LRIT1: variants seen among roughly 807,000 people sequenced by gnomAD.
LRIT1 encodes leucine rich repeat, Ig-like and transmembrane domains 1.
LRIT1 carries 23 observed loss-of-function variants against 24.0 expected under a neutral mutation model. That is an observed-to-expected ratio of 0.96 (90% confidence interval 0.69 to 1.36). The LOEUF (loss-of-function observed/expected upper bound fraction) is 1.36. Ranked by LOEUF, LRIT1 falls within the 40% of genes most tolerant of loss-of-function variation. LRIT1 has a pLI of 0.00. For missense variants in LRIT1, 846 were observed against 806.3 expected (o/e 1.05, Z -0.60); for synonymous variants, 361 against 340.5 (o/e 1.06, Z -0.66).
intron 1 of LRIT1, 72 bp from the exon 2 acceptor site, chr10:84,237,758 TC>T: frequency 1.7e-6 from 2 of 1,182,178 alleles, no homozygotes; most frequent in Non-Finnish European, 2.4e-6. Flanking sequence ...CTACCTCCCT[TC>T]GCGAGGCCTC....
Position 84,232,622 on chromosome 10 carries a change from C to G in LRIT1, c.1177G>C (p.Ala393Pro). 1 of 1,613,784 alleles carries G rather than the reference C, an allele frequency of 6.2e-7. No individual in the cohort carries two copies. The highest frequency in any genetic ancestry group is 8.5e-7 in the Non-Finnish European group (1 of 1,179,734). ...VPQIPKPAVL[A>P]TGPSVPSTKE... is the part of the protein sequence containing the mutation. ...GTGCTGGGCACAGAGGGTCCAGTGGCCAGGACAGCGGGTTTGGGAATCTGG... is the reference window on the plus strand; with the variant it reads ...GTGCTGGGCACAGAGGGTCCAGTGGGCAGGACAGCGGGTTTGGGAATCTGG... The change falls in exon 4 of 4, where the codon GCC becomes CCC. Residue 393 changes from alanine to proline, a missense_variant. By Grantham distance (27) the Ala-to-Pro change is conservative. Coordinates refer to ENST00000372105, the MANE Select transcript of LRIT1 (RefSeq NM_015613.3).
intron 1 of LRIT1, among the ~76,000 whole-genome samples, chr10:84,237,919 G>T (rs1189826377): frequency 1.3e-5 from 2 of 152,160 alleles, no homozygotes; most frequent in East Asian, 3.9e-4. Context: ...AGGTGATTTG[G>T]TCTTCACGGT....
intron 3 of LRIT1, 51 bp downstream of exon 3, chr10:84,234,022 T>C: frequency 7.3e-7 from 1 of 1,373,288 alleles, no homozygotes; most frequent in Middle Eastern, 2.8e-4. Flanking sequence ...GGGAGCTGCT[T>C]TGCCCTCCCC....
At chr10:84,241,282 G>A (rs1394326484) in intron 1 of LRIT1, 36 bp downstream of exon 1, 1 of 1,613,502 alleles carries the variant, frequency 6.2e-7, no homozygotes, top group Middle Eastern at 1.7e-4. Context: ...AAGCAATGGA[G>A]GCTGGGCTGC....
At chr10:84,236,086 G>C (rs12762286) in intron 2 of LRIT1, among the ~76,000 whole-genome samples, 71,708 of 150,428 alleles carry the variant, frequency 0.48, 18,790 homozygotes, top group African/African-American at 0.71. Flanking sequence ...CACGAGGTCA[G>C]GAGATCGAGA....
Position 84,234,383 on chromosome 10 carries a change from A to G in LRIT1, c.590-5T>C. The G allele has an allele frequency of 6.6e-7, 1 of 1,522,756 alleles. No homozygotes were observed. The highest frequency in any genetic ancestry group is 8.8e-7 in the Non-Finnish European group (1 of 1,134,718). The allele number at this position is 1,522,756 out of a possible 1,614,324, so 94.3% of individuals were successfully genotyped here. A position where few individuals can be genotyped will look rare whatever the true frequency, so the allele number is the denominator to read the frequency against. Reference sequence around the variant, plus strand: ...CCCAGGGGTTGTCCTGTAGCCCTGCAGGAGTAAAAAAGAAGACAAGATATT... The same window carrying G: ...CCCAGGGGTTGTCCTGTAGCCCTGCGGGAGTAAAAAAGAAGACAAGATATT... On this transcript the variant is annotated splice_region_variant and splice_polypyrimidine_tract_variant and intron_variant, in intron 2 of 3. Transcript: ENST00000372105.
Position 84,232,916 on chromosome 10 carries a change from CA to C in LRIT1, c.896-14del. 1 of 1,604,318 alleles carries C rather than the reference CA, an allele frequency of 6.2e-7. No homozygotes were observed. Among genetic ancestry groups the C allele is most frequent in the Non-Finnish European group, 8.5e-7 (1 of 1,178,102 alleles). On this transcript the variant is annotated splice_polypyrimidine_tract_variant and intron_variant, in intron 3 of 3. Coordinates refer to ENST00000372105, the MANE Select transcript of LRIT1 (RefSeq NM_015613.3). ...ACTTCCTGGTGCACTAGGAGGAAAA[CA>C]GGCATGTGTGGGAGAACGAATGGGC...
At chr10:84,235,360 T>G (rs1172504296) in intron 2 of LRIT1, among the ~76,000 whole-genome samples, 1 of 152,130 alleles carries the variant, frequency 6.6e-6, no homozygotes, top group Non-Finnish European at 1.5e-5. Context: ...CTTGTGTCAT[T>G]GGTTAAACGC....
chr10:84,235,042 A>G (rs1422684871), intron 2 of LRIT1, among the ~76,000 whole-genome samples: 1 of 152,250 alleles, frequency 6.6e-6, no homozygotes, highest in Non-Finnish European at 1.5e-5. Context: ...AATGAGGGGT[A>G]CTATGTGTCC....
chr10:84,240,636 A>G (rs1304911111), intron 1 of LRIT1, among the ~76,000 whole-genome samples: 1 of 152,156 alleles, frequency 6.6e-6, no homozygotes, highest in African/African-American at 2.4e-5. Context: ...CCATGAAAGG[A>G]GAGGAGGAGA....
Position 84,232,540 on chromosome 10 carries a change from T to TC in LRIT1, c.1258dup (p.Asp420GlyfsTer35), listed in dbSNP as rs1842610622. 6.2e-7 allele frequency: 1 copy of TC among 1,613,984 alleles called. No homozygotes were observed. The highest frequency in any genetic ancestry group is 8.5e-7 in the Non-Finnish European group (1 of 1,180,010). ...TGCCTCTGAGGGTCCTGCCCGCCCATCAGAGAGCTCTCCCAGGGCATCCAT... is the reference window on the plus strand; with the variant it reads ...TGCCTCTGAGGGTCCTGCCCGCCCATCCAGAGAGCTCTCCCAGGGCATCCAT... On this transcript the variant is annotated frameshift_variant, in exon 4 of 4. Transcript: ENST00000372105. LOFTEE classifies it low-confidence loss of function (END_TRUNC).
intron 1 of LRIT1, among the ~76,000 whole-genome samples, chr10:84,239,105 T>C (rs1168521294): frequency 1.3e-5 from 2 of 152,184 alleles, no homozygotes; most frequent in Non-Finnish European, 2.9e-5. Context: ...TTTTTTCTTG[T>C]AAACAGTGTC....
In LRIT1 at chr10:84,241,050, A is replaced by G. The variant is rs79932661; in HGVS notation, c.122+268T>C. 1.7e-3 allele frequency among the ~76,000 whole-genome samples: 256 copies of G among 152,220 alleles called. 1 individual carries two copies. In the East Asian group the frequency reaches 0.022, roughly 13 times the overall value. Reference sequence around the variant, plus strand: ...GGGCTCTTCACCAGGAGCCTGGAGGAGGACTTAGGAAGGACTTCTTAGAAC... The same window carrying G: ...GGGCTCTTCACCAGGAGCCTGGAGGGGGACTTAGGAAGGACTTCTTAGAAC... On this transcript the variant is annotated intron_variant, in intron 1 of 3. Transcript: ENST00000372105.
In LRIT1 at chr10:84,232,531, G is replaced by A; in HGVS notation, c.1268C>T (p.Ala423Val). 6.2e-7 allele frequency: 1 copy of A among 1,614,166 alleles called. No individual in the cohort carries two copies. The highest frequency in any genetic ancestry group is 8.5e-7 in the Non-Finnish European group (1 of 1,180,022). Residue 423 changes from alanine (A) to valine (V), a missense_variant, in exon 4 of 4, where the codon GCA (alanine) becomes GTA (valine). Ala to Val is a moderately conservative substitution (Grantham distance 64). Transcript: ENST00000372105. ...DALGELSDGRAGPSEARMVRS... is the reference protein window; with the variant it reads ...DALGELSDGRVGPSEARMVRS... ...CACCATTCGTGCCTCTGAGGGTCCT[G>A]CCCGCCCATCAGAGAGCTCTCCCAG...
In LRIT1 at chr10:84,241,390, G is replaced by A. The variant is rs1452497680; in HGVS notation, c.50C>T (p.Pro17Leu). 6 of 1,611,422 alleles carry A rather than the reference G, an allele frequency of 3.7e-6. No individual in the cohort carries two copies. The highest frequency in any genetic ancestry group is 5.1e-6 in the Non-Finnish European group (6 of 1,178,930). Reference protein sequence around the residue: ...MLWLLALAWPPQARGFCPSQC... With the variant: ...MLWLLALAWPLQARGFCPSQC... ...AGAGGGGCAGAAGCCCCGGGCCTGG[G>A]GGGGCCACGCAAGGGCCAAGAGCCA... The change falls in exon 1 of 4, where the codon CCC (proline) becomes CTC (leucine). Residue 17 changes from proline to leucine, a missense_variant. Physicochemically the swap from Pro to Leu is moderately conservative, Grantham distance 98. Transcript: ENST00000372105.
chr10:84,231,843 A>G lies in LRIT1; in HGVS notation c.*84T>C, dbSNP rs1012254543. ...TGAGTAAGCAGGTACCCGAGCAGGT[A>G]AGAGTGGGTGATCGTGTACTCAGGT... On this transcript the variant is annotated 3_prime_UTR_variant, in exon 4 of 4. Coordinates refer to ENST00000372105, the MANE Select transcript of LRIT1 (RefSeq NM_015613.3). 8.9e-6 allele frequency: 13 copies of G among 1,466,974 alleles called. No homozygotes were observed. The Admixed American group carries it at 2.6e-4, about 30-fold the overall frequency. 90.9% of individuals were successfully genotyped at this position (1,466,974 alleles called of 1,614,324 possible). A position where few individuals can be genotyped will look rare whatever the true frequency, so the allele number is the denominator to read the frequency against.
intron 1 of LRIT1, among the ~76,000 whole-genome samples, 193 bp from the exon 2 acceptor site, chr10:84,237,879 C>A (rs772187948): frequency 6.6e-6 from 1 of 152,198 alleles, no homozygotes; most frequent in Non-Finnish European, 1.5e-5. Flanking sequence ...AGAGGTCTTG[C>A]TCTCAGAGCC....
At chr10:84,236,092 C>A (rs938248865) in intron 2 of LRIT1, among the ~76,000 whole-genome samples, 3 of 151,434 alleles carry the variant, frequency 2.0e-5, no homozygotes, top group Non-Finnish European at 4.4e-5. Flanking sequence ...GTCAGGAGAT[C>A]GAGACCATCC....
At position 84,231,587 on chromosome 10, in the gene LRIT1, T is replaced by C; in HGVS notation, c.*340A>G. The stretch of plus-strand genomic sequence containing the variant: ...GAGTGTGAAAATAAGTGTTCACTGC[T>C]ATACATCACCAAGATTTTGCTTTCA... On this transcript the variant is annotated 3_prime_UTR_variant, in exon 4 of 4. Coordinates refer to ENST00000372105, the MANE Select transcript of LRIT1 (RefSeq NM_015613.3). The C allele has an allele frequency of 3.1e-6, 1 of 318,004 alleles. No individual in the cohort carries two copies. Among genetic ancestry groups the C allele is most frequent in the Non-Finnish European group, 6.0e-6 (1 of 167,118 alleles). 19.7% of individuals were successfully genotyped at this position (318,004 alleles called of 1,614,324 possible).
Sources: gnomAD v4.1 joint callset for allele counts (sites outside exome capture counted in the v4.1 genomes callset) on GRCh38, gnomAD v4.1.1 for gene constraint, MANE v1.5 for transcripts, NCBI Gene and HGNC (gene_info 2026-07-23, HGNC 2026-07-21) for gene names.